RCBTB2: variants seen among roughly 807,000 people sequenced by gnomAD.
RCBTB2 encodes the protein RCC1 and BTB domain containing protein 2.
A neutral mutation model predicts 65.4 loss-of-function variants in RCBTB2; 55 were observed. That is an observed-to-expected ratio of 0.84 (90% confidence interval 0.68 to 1.05). The LOEUF (loss-of-function observed/expected upper bound fraction) is 1.05, where lower values mean the gene tolerates loss of function less well. Ranked by LOEUF, RCBTB2 falls within the 50% of genes least tolerant of loss-of-function variation. The pLI, the probability that RCBTB2 is intolerant of heterozygous loss-of-function variation, is 0.00. For missense variants in RCBTB2, 599 were observed against 680.1 expected (o/e 0.88, Z 1.33); for synonymous variants, 220 against 255.2 (o/e 0.86, Z 1.31).
intron 9 of RCBTB2, 73 bp downstream of exon 9, chr13:48,511,697 T>C: frequency 2.3e-6 from 3 of 1,288,182 alleles, no homozygotes; most frequent in East Asian, 2.5e-5. Flanking sequence ...AACAAATCTA[T>C]GTTTTTAATA....
rs546752511 is a variant in RCBTB2 at position 48,528,586 on chromosome 13, T to C, written c.-218-3829A>G. On this transcript the variant is annotated intron_variant, in intron 1 of 14. Coordinates refer to ENST00000344532, the MANE Select transcript of RCBTB2 (RefSeq NM_001268.4). ...GAGCTGCAGACCACATAAATTTCAA[T>C]AGGATAATGATGGTTCCCAAATATA... Among the ~76,000 whole-genome samples, 15 of 152,292 alleles carry C rather than the reference T, an allele frequency of 9.8e-5. 2 individuals carry two copies. Among genetic ancestry groups the C allele is most frequent in the African/African-American group, 3.6e-4 (15 of 41,580 alleles).
At chr13:48,499,142 A>ACTCTCTCTCT (rs568053175) in intron 13 of RCBTB2, among the ~76,000 whole-genome samples, 5 of 132,384 alleles carry the variant, frequency 3.8e-5, no homozygotes, top group African/African-American at 1.5e-4. Context: ...ACACACACAC[A>ACTCTCTCTCT]CTCTCTCTCT....
In RCBTB2 at chr13:48,489,035, G is replaced by T. The variant is rs942233795; in HGVS notation, c.*1076C>A. 2.6e-5 allele frequency: 4 copies of T among 151,984 alleles called. No individual in the cohort carries two copies. Among genetic ancestry groups the T allele is most frequent in the South Asian group, 2.1e-4 (1 of 4,822 alleles). The allele number at this position is 151,984 out of a possible 1,614,324, so 9.4% of individuals were successfully genotyped here. A position where few individuals can be genotyped will look rare whatever the true frequency, so the allele number is the denominator to read the frequency against. On this transcript the variant is annotated 3_prime_UTR_variant, in exon 15 of 15. Coordinates refer to ENST00000344532, the MANE Select transcript of RCBTB2 (RefSeq NM_001268.4). ...AGAACAAGAATTCTAATTCCAAAAG[G>T]GTTTCCTTTACATTACATGACATTG...
chr13:48,520,886 C>T (rs1425230687), intron 4 of RCBTB2, among the ~76,000 whole-genome samples: 4 of 151,926 alleles, frequency 2.6e-5, no homozygotes, highest in Non-Finnish European at 5.9e-5. Flanking sequence ...TGAGTACTTC[C>T]TAGCATTATA....
chr13:48,533,890 G>T (rs1427682735), upstream of RCBTB2, among the ~76,000 whole-genome samples: 1 of 152,148 alleles, frequency 6.6e-6, no homozygotes, highest in African/African-American at 2.4e-5. Context: ...TTTTATACTG[G>T]CTGTTTCATG....
At chr13:48,534,296 G>C (rs762584285), upstream of RCBTB2, among the ~76,000 whole-genome samples, 2 of 152,162 alleles carry the variant, frequency 1.3e-5, no homozygotes, top group Admixed American at 1.3e-4. Context: ...TTTGCTCTCA[G>C]AAAAAGCTCA....
intron 12 of RCBTB2, among the ~76,000 whole-genome samples, chr13:48,501,300 T>C (rs896870688): frequency 6.6e-6 from 1 of 152,256 alleles, no homozygotes; most frequent in Non-Finnish European, 1.5e-5. Context: ...AGCCTCACTA[T>C]AGACCTTTTT....
rs1246179454 is a variant in RCBTB2 at position 48,490,108 on chromosome 13, G to A, written c.*3C>T. On this transcript the variant is annotated 3_prime_UTR_variant, in exon 15 of 15. Transcript: ENST00000344532. ...AGGCTCAAAAACTTTCCTGCAGATG[G>A]GATCAATTTTTAAAGGCTCCAACTC... is the stretch of plus-strand genomic sequence containing the variant. 3 of 1,613,802 alleles carry A rather than the reference G, an allele frequency of 1.9e-6. No homozygotes were observed. Among genetic ancestry groups the A allele is most frequent in the Admixed American group, 1.7e-5 (1 of 59,974 alleles).
chr13:48,489,179 T>G lies in RCBTB2; in HGVS notation c.*932A>C, dbSNP rs989564221. ...ATCTCATTCTTGTTAATGCTGTCCA[T>G]GAAATGTAAGTATCAGTTCCTTCTC... On this transcript the variant is annotated 3_prime_UTR_variant, in exon 15 of 15. Transcript: ENST00000344532. 6.6e-6 allele frequency: 1 copy of G among 152,228 alleles called. No individual in the cohort carries two copies. Among genetic ancestry groups the G allele is most frequent in the Non-Finnish European group, 1.5e-5 (1 of 68,042 alleles). 9.4% of individuals were successfully genotyped at this position (152,228 alleles called of 1,614,324 possible). A position where few individuals can be genotyped will look rare whatever the true frequency, so the allele number is the denominator to read the frequency against.
Position 48,521,930 on chromosome 13 carries a change from C to T in RCBTB2, c.10G>A (p.Glu4Lys). The T allele has an allele frequency of 6.2e-7, 1 of 1,613,806 alleles. No individual in the cohort carries two copies. The highest frequency in any genetic ancestry group is 1.1e-5 in the South Asian group (1 of 91,070). Reference sequence around the variant, plus strand: ...CTGTCTCCAGAGAAAAGAGGAAGTTCTTCTTCCATATGGACTCAGTCCTGG... The same window carrying T: ...CTGTCTCCAGAGAAAAGAGGAAGTTTTTCTTCCATATGGACTCAGTCCTGG... MEE[E>K]LPLFSGDSGK... Residue 4 changes from glutamate to lysine, a missense_variant, in exon 4 of 15, where the codon GAA becomes AAA. Glu to Lys is a moderately conservative substitution (Grantham distance 56). Coordinates refer to ENST00000344532, the MANE Select transcript of RCBTB2 (RefSeq NM_001268.4).
At chr13:48,504,904 G>T (rs1381156444) in intron 10 of RCBTB2, among the ~76,000 whole-genome samples, 1 of 152,122 alleles carries the variant, frequency 6.6e-6, no homozygotes, top group East Asian at 1.9e-4. Context: ...CTGTTCTCAT[G>T]TGCGGTAATC....
chr13:48,519,329 G>A (rs902697327), intron 4 of RCBTB2, among the ~76,000 whole-genome samples: 7 of 152,112 alleles, frequency 4.6e-5, no homozygotes, highest in Non-Finnish European at 1.0e-4. Context: ...AATGACTGAC[G>A]GCTATTTCAT....
chr13:48,506,595 C>A (rs991189429), intron 10 of RCBTB2, among the ~76,000 whole-genome samples: 1 of 152,174 alleles, frequency 6.6e-6, no homozygotes, highest in African/African-American at 2.4e-5. Flanking sequence ...CTGAGGGAGG[C>A]AGAAGCCGCG....
intron 4 of RCBTB2, among the ~76,000 whole-genome samples, chr13:48,521,312 T>C (rs548781479): frequency 2.0e-5 from 3 of 152,232 alleles, no homozygotes; most frequent in Non-Finnish European, 4.4e-5. Flanking sequence ...GACCTGATTT[T>C]ATTAAATAAT....
In RCBTB2 at chr13:48,500,956, G is replaced by A. The variant is rs185622409; in HGVS notation, c.1244+786C>T. 5.9e-5 allele frequency among the ~76,000 whole-genome samples: 9 copies of A among 152,262 alleles called. No homozygotes were observed. In the East Asian group the frequency reaches 1.5e-3, roughly 26 times the overall value. On this transcript the variant is annotated intron_variant, in intron 12 of 14. Transcript: ENST00000344532. ...TTGAGTGTGTGACTCACTGCAGTAG[G>A]ATTTAAATATCTGTTACACAACAAC...
intron 1 of RCBTB2, chr13:48,532,050 G>T (rs888358678): frequency 2.0e-5 from 3 of 152,230 alleles, no homozygotes; most frequent in African/African-American, 7.2e-5. Context: ...CTCTGACAAG[G>T]TAAGTCGCCA....
At chr13:48,519,699 C>T (rs928317968) in intron 4 of RCBTB2, among the ~76,000 whole-genome samples, 2 of 152,064 alleles carry the variant, frequency 1.3e-5, no homozygotes, top group African/African-American at 4.8e-5. Flanking sequence ...TAATAGAAAA[C>T]AAATAATTAC....
At chr13:48,521,778 G>GA in intron 4 of RCBTB2, 120 bp downstream of exon 4, 1 of 883,152 alleles carries the variant, frequency 1.1e-6, no homozygotes, top group Non-Finnish European at 1.8e-6. Context: ...ATTACACTGT[G>GA]AGCCCCTCAA....
intron 6 of RCBTB2, among the ~76,000 whole-genome samples, chr13:48,514,677 T>C (rs1472477359): frequency 6.6e-6 from 1 of 152,246 alleles, no homozygotes; most frequent in Non-Finnish European, 1.5e-5. Flanking sequence ...CCGTTCAGTC[T>C]TGATGTGAAT....
Sources: allele counts gnomAD v4.1 joint callset (sites outside exome capture counted in the v4.1 genomes callset), GRCh38; gene constraint gnomAD v4.1.1; transcripts MANE v1.5; gene names NCBI Gene and HGNC (gene_info 2026-07-23, HGNC 2026-07-21).